PHF1: variants seen among roughly 807,000 people sequenced by gnomAD.
The protein encoded by PHF1 is polycomb-like 1.
Under a neutral mutation model 69.4 loss-of-function variants are expected in PHF1, and 16 were observed. The ratio of observed to expected loss-of-function variants is 0.23; its 90% CI spans 0.16 to 0.35. The LOEUF (loss-of-function observed/expected upper bound fraction) is 0.35, where lower values mean the gene tolerates loss of function less well. PHF1 is among the 10% of genes least tolerant of loss of function. The pLI, the probability that PHF1 is intolerant of heterozygous loss-of-function variation, is 1.00. For synonymous variants in PHF1, 274 were observed against 275.0 expected (o/e 1.00, Z 0.04); for missense variants, 515 against 732.8 (o/e 0.70, Z 3.43).
Position 33,414,686 on chromosome 6 carries a change from T to A in PHF1, c.945-39T>A. 1 of 1,583,468 alleles carries A rather than the reference T, an allele frequency of 6.3e-7. No homozygotes were observed. Among genetic ancestry groups the A allele is most frequent in the South Asian group, 1.1e-5 (1 of 89,956 alleles). On this transcript the variant is annotated intron_variant, in intron 10 of 14. Transcript: ENST00000374516. This position sits in a 1 kb window ranked among gnomAD's most constrained non-coding sequence, Gnocchi z 5.0. ...AATGGCGTAAGGAGGAACCGTTTTTTACAGCACTGACCCTATATCATTTCT... is the reference window on the plus strand; with the variant it reads ...AATGGCGTAAGGAGGAACCGTTTTTAACAGCACTGACCCTATATCATTTCT...
rs1361465105 is a variant in PHF1 at position 33,414,129 on chromosome 6, A to C, written c.752+20A>C. Reference sequence around the variant, plus strand: ...TCGCTGGTGAGCTGGATTGGGCATGACCTCAGTGTAACTCCACACCACAGT... The same window carrying C: ...TCGCTGGTGAGCTGGATTGGGCATGCCCTCAGTGTAACTCCACACCACAGT... On this transcript the variant is annotated intron_variant, in intron 8 of 14. Coordinates refer to ENST00000374516, the MANE Select transcript of PHF1 (RefSeq NM_024165.3). This position sits in a 1 kb window ranked among gnomAD's most constrained non-coding sequence, Gnocchi z 5.0. 4 of 1,613,700 alleles carry C rather than the reference A, an allele frequency of 2.5e-6. No individual in the cohort carries two copies. Among genetic ancestry groups the C allele is most frequent in the Non-Finnish European group, 3.4e-6 (4 of 1,179,912 alleles).
chr6:33,414,842 G>C lies in PHF1; in HGVS notation c.1049+13G>C. On this transcript the variant is annotated intron_variant, in intron 11 of 14. Transcript: ENST00000374516. The surrounding 1 kb of genome is among the most constrained non-coding windows in gnomAD (Gnocchi z 5.0). ...GAGCACTCACCAGGTCACTGGTCCAGGGGGGATGGGGGAAATTCTCAGGGT... is the reference window on the plus strand; with the variant it reads ...GAGCACTCACCAGGTCACTGGTCCACGGGGGATGGGGGAAATTCTCAGGGT... 1 of 1,603,524 alleles carries C rather than the reference G, an allele frequency of 6.2e-7. No individual in the cohort carries two copies. Among genetic ancestry groups the C allele is most frequent in the East Asian group, 2.2e-5 (1 of 44,822 alleles).
rs1165040618 is a variant in PHF1, at chr6:33,413,626, A to C, written c.587+69A>C. On this transcript the variant is annotated intron_variant, in intron 6 of 14. Coordinates refer to ENST00000374516, the MANE Select transcript of PHF1 (RefSeq NM_024165.3). ...TGGTGGATCCCAGGAAATGAAGGAAAAAGAACAGGATGAGGGTAGCACTCA... is the reference window on the plus strand; with the variant it reads ...TGGTGGATCCCAGGAAATGAAGGAACAAGAACAGGATGAGGGTAGCACTCA... The C allele has an allele frequency of 4.4e-6, 7 of 1,609,086 alleles. No homozygotes were observed. In the East Asian group the frequency reaches 1.6e-4, roughly 36 times the overall value.
intron 4 of PHF1, 60 bp from the exon 5 acceptor site, chr6:33,413,136 C>T: frequency 7.3e-7 from 1 of 1,375,054 alleles, no homozygotes; most frequent in Non-Finnish European, 1.0e-6. Flanking sequence ...AAAGACTATT[C>T]CTGTCCCAAT....
rs1776373463 is a variant in PHF1 at position 33,415,240 on chromosome 6, A to G, written c.1245A>G (p.Ser415=). Residue 415 remains serine, a synonymous_variant, in exon 13 of 15, where the codon TCA becomes TCG. Transcript: ENST00000374516. ...TCCTTTGCCCCCTCTTCTAGGCCTC[A>G]GTGTCTCCACCATCCCCCAGCCCTA... ...RAHLQRALQA[S]VSPPSPSPNQ... is the part of the protein sequence containing the mutation. 1 of 1,613,802 alleles carries G rather than the reference A, an allele frequency of 6.2e-7. No individual in the cohort carries two copies. The highest frequency in any genetic ancestry group is 2.2e-5 in the East Asian group (1 of 44,870).
Position 33,416,122 on chromosome 6 carries a change from CCATT to C in PHF1, c.*27_*30del. 1 of 1,511,020 alleles carries C rather than the reference CCATT, an allele frequency of 6.6e-7. No individual in the cohort carries two copies. Among genetic ancestry groups the C allele is most frequent in the East Asian group, 2.3e-5 (1 of 43,968 alleles). The allele number at this position is 1,511,020 out of a possible 1,614,324, so 93.6% of individuals were successfully genotyped here. A position where few individuals can be genotyped will look rare whatever the true frequency, so the allele number is the denominator to read the frequency against. ...GAACAGCCTGCCTCTGCCCAGCTCC[CCATT>C]CACACACACCGGCACTTTCATACCC... On this transcript the variant is annotated 3_prime_UTR_variant, in exon 15 of 15. Coordinates refer to ENST00000374516, the MANE Select transcript of PHF1 (RefSeq NM_024165.3).
Position 33,415,826 on chromosome 6 carries a change from C to A in PHF1, c.1432C>A (p.His478Asn), listed in dbSNP as rs761860568. 52 of 1,599,308 alleles carry A rather than the reference C, an allele frequency of 3.3e-5. No homozygotes were observed. The highest frequency in any genetic ancestry group is 4.2e-5 in the Non-Finnish European group (49 of 1,169,380). ...TCTCCCTAGGTCACCCCTGGAACTTCACATTGGTTTCCCCACAGACATCCC... is the reference window on the plus strand; with the variant it reads ...TCTCCCTAGGTCACCCCTGGAACTTAACATTGGTTTCCCCACAGACATCCC... ...GPPDRSPLEL[H>N]IGFPTDIPKS... The change falls in exon 15 of 15, where the codon CAC becomes AAC. Residue 478 changes from histidine (H) to asparagine (N), a missense_variant. Physicochemically the swap from His to Asn is moderately conservative, Grantham distance 68. Transcript: ENST00000374516.
At chr6:33,411,631 T>C (rs1233745832) in intron 1 of PHF1, among the ~76,000 whole-genome samples, 6 of 151,478 alleles carry the variant, frequency 4.0e-5, no homozygotes, top group Admixed American at 2.0e-4. Context: ...TAATTTCTCC[T>C]AAAATTTCAA....
chr6:33,415,961 C>G lies in PHF1; in HGVS notation c.1567C>G (p.Pro523Ala), dbSNP rs765629909. 13 of 1,614,134 alleles carry G rather than the reference C, an allele frequency of 8.1e-6. No homozygotes were observed. The Admixed American group carries it at 2.2e-4, about 27-fold the overall frequency. Residue 523 changes from proline (P) to alanine (A), a missense_variant, in exon 15 of 15, where the codon CCT becomes GCT. Pro to Ala is a conservative substitution (Grantham distance 27). This residue lies in a region of PHF1 where 274 missense variants were observed against 304.5 expected (regional missense o/e 0.90). Coordinates refer to ENST00000374516, the MANE Select transcript of PHF1 (RefSeq NM_024165.3). The part of the protein sequence containing the change: ...PPSPLCRSLS[P>A]GTGGGVRGGV... ...TTCTCCCCTGTGCCGTAGTTTGTCT[C>G]CTGGGACTGGGGGAGGAGTCCGAGG...
In PHF1 at chr6:33,414,006, T is replaced by C. The variant is rs780599482; in HGVS notation, c.684-35T>C. On this transcript the variant is annotated intron_variant, in intron 7 of 14. Coordinates refer to ENST00000374516, the MANE Select transcript of PHF1 (RefSeq NM_024165.3). The surrounding 1 kb of genome is among the most constrained non-coding windows in gnomAD (Gnocchi z 5.0). The stretch of plus-strand genomic sequence containing the variant: ...TCCAGGGGATGGCACAGTTTTCCTG[T>C]GTAAGTGTGTTTGCTCCCTCTTGCC... The C allele has an allele frequency of 1.1e-5, 18 of 1,612,812 alleles. No homozygotes were observed. In the Admixed American group the frequency reaches 3.0e-4, roughly 27 times the overall value.
chr6:33,413,582 T>A (rs1475042623), intron 6 of PHF1, 25 bp downstream of exon 6: 46 of 1,613,756 alleles, frequency 2.9e-5, no homozygotes, highest in Non-Finnish European at 3.7e-5. Flanking sequence ...GGGAGCAGAC[T>A]GTGGAATGAA....
chr6:33,415,207 T>C (rs1182398262), intron 12 of PHF1, 28 bp from the exon 13 acceptor site: 1 of 1,611,688 alleles, frequency 6.2e-7, no homozygotes, highest in Non-Finnish European at 8.5e-7. Context: ...TCAAGGATTA[T>C]CTCTCAGTCC....
Position 33,412,218 on chromosome 6 carries a change from CCTT to C in PHF1, c.-16-27_-16-25del. The C allele has an allele frequency of 6.8e-7, 1 of 1,469,342 alleles. No individual in the cohort carries two copies. The highest frequency in any genetic ancestry group is 2.3e-5 in the East Asian group (1 of 43,928). The allele number at this position is 1,469,342 out of a possible 1,614,324, so 91.0% of individuals were successfully genotyped here. A position where few individuals can be genotyped will look rare whatever the true frequency, so the allele number is the denominator to read the frequency against. ...GGGGAAGGTTTCTCAGCATTCATAACCTTCTCCTCCCCATTTCTTTTCTGGCTA... is the reference window on the plus strand; with the variant it reads ...GGGGAAGGTTTCTCAGCATTCATAACCTCCTCCCCATTTCTTTTCTGGCTA... On this transcript the variant is annotated intron_variant, in intron 1 of 14. Coordinates refer to ENST00000374516, the MANE Select transcript of PHF1 (RefSeq NM_024165.3). The surrounding 1 kb of genome is among the most constrained non-coding windows in gnomAD (Gnocchi z 4.2).
At position 33,414,572 on chromosome 6, in the gene PHF1, A is replaced by G; in HGVS notation, c.944+28A>G. On this transcript the variant is annotated intron_variant, in intron 10 of 14. Coordinates refer to ENST00000374516, the MANE Select transcript of PHF1 (RefSeq NM_024165.3). The surrounding 1 kb of genome is among the most constrained non-coding windows in gnomAD (Gnocchi z 5.0). Reference sequence around the variant, plus strand: ...GAGTTGGAGGGAAGAGGAGGCAAGGATGAGGCTCGGAAAGAGATGGAGAGT... The same window carrying G: ...GAGTTGGAGGGAAGAGGAGGCAAGGGTGAGGCTCGGAAAGAGATGGAGAGT... 1 of 1,610,430 alleles carries G rather than the reference A, an allele frequency of 6.2e-7. No individual in the cohort carries two copies. Among genetic ancestry groups the G allele is most frequent in the Non-Finnish European group, 8.5e-7 (1 of 1,176,692 alleles).
Position 33,413,823 on chromosome 6 carries a change from T to A in PHF1, c.675T>A (p.Tyr225Ter). 6.2e-7 allele frequency: 1 copy of A among 1,613,446 alleles called. No individual in the cohort carries two copies. Among genetic ancestry groups the A allele is most frequent in the Non-Finnish European group, 8.5e-7 (1 of 1,179,624 alleles). Residue 225 changes from tyrosine to a stop codon, truncating the protein, a stop_gained, in exon 7 of 15, where the codon TAT becomes TAA. Coordinates refer to ENST00000374516, the MANE Select transcript of PHF1 (RefSeq NM_024165.3). LOFTEE classifies it high-confidence loss of function. ...CTQCLSKPLL[Y>*]GDRFYEFECC... ...AGTGTCTGAGCAAGCCCCTCCTCTA[T>A]GGGGACAGGTGAGACCAAGGCAGAC...
chr6:33,412,034 C>T lies in PHF1; in HGVS notation c.-16-214C>T, dbSNP rs562692722. 2.0e-5 allele frequency among the ~76,000 whole-genome samples: 3 copies of T among 152,200 alleles called. No individual in the cohort carries two copies. The highest frequency in any genetic ancestry group is 1.9e-4 in the East Asian group (1 of 5,180). On this transcript the variant is annotated intron_variant, in intron 1 of 14. Transcript: ENST00000374516. This position sits in a 1 kb window ranked among gnomAD's most constrained non-coding sequence, Gnocchi z 4.2. Reference sequence around the variant, plus strand: ...AAAATTAGCCAGGCATGGTGGCATGCGCCTGTAATCCCACCTACTTGGGAG... The same window carrying T: ...AAAATTAGCCAGGCATGGTGGCATGTGCCTGTAATCCCACCTACTTGGGAG...
chr6:33,413,839 C>A lies in PHF1; in HGVS notation c.683+8C>A. 1.2e-6 allele frequency: 2 copies of A among 1,610,364 alleles called. No individual in the cohort carries two copies. The highest frequency in any genetic ancestry group is 1.7e-6 in the Non-Finnish European group (2 of 1,177,090). On this transcript the variant is annotated splice_region_variant and intron_variant, in intron 7 of 14. Coordinates refer to ENST00000374516, the MANE Select transcript of PHF1 (RefSeq NM_024165.3). ...CCTCCTCTATGGGGACAGGTGAGAC[C>A]AAGGCAGACTCTCTAGGAGCCAAGG... is the stretch of plus-strand genomic sequence containing the variant.
In PHF1 at chr6:33,415,637, C is replaced by T. The variant is rs1776412961; in HGVS notation, c.1382C>T (p.Ala461Val). The change falls in exon 14 of 15, where the codon GCA becomes GTA. Residue 461 changes from alanine to valine, a missense_variant. Physicochemically the swap from Ala to Val is moderately conservative, Grantham distance 64. Around this residue, in one of 5 missense-constraint regions of PHF1, gnomAD observed 274 missense variants for 304.5 expected, o/e 0.90. Transcript: ENST00000374516. Reference sequence around the variant, plus strand: ...TCCTTCCACCCTTCTGCCAGCACCGCAGGGACCTCTGGGGACAGTGGACCC... The same window carrying T: ...TCCTTCCACCCTTCTGCCAGCACCGTAGGGACCTCTGGGGACAGTGGACCC... Reference protein sequence around the residue: ...FASFHPSASTAGTSGDSGPPD... With the variant: ...FASFHPSASTVGTSGDSGPPD... The T allele has an allele frequency of 1.2e-6, 2 of 1,613,980 alleles. No individual in the cohort carries two copies. Among genetic ancestry groups the T allele is most frequent in the Non-Finnish European group, 1.7e-6 (2 of 1,179,992 alleles).
Position 33,412,546 on chromosome 6 carries a change from G to A in PHF1, c.198G>A (p.Glu66=). 2.5e-6 allele frequency: 4 copies of A among 1,614,220 alleles called. No homozygotes were observed. The highest frequency in any genetic ancestry group is 2.2e-5 in the South Asian group (2 of 91,086). ...GGGAGGTGTGTCTGGTCCAGTTTGA[G>A]GATGATTCGCAGTTTCTGGTTCTAT... ...SAREVCLVQF[E]DDSQFLVLWK... Residue 66 remains glutamate (E), a synonymous_variant, in exon 3 of 15, where the codon GAG becomes GAA. Transcript: ENST00000374516. The surrounding 1 kb of genome is among the most constrained non-coding windows in gnomAD (Gnocchi z 4.2).
Sources: gnomAD v4.1 joint callset for allele counts (sites outside exome capture counted in the v4.1 genomes callset) on GRCh38, gnomAD v4.1.1 for gene constraint, gnomAD v4.1.1 regional missense constraint, Gnocchi (gnomAD v3.1) non-coding constraint, MANE v1.5 for transcripts, NCBI Gene and HGNC (gene_info 2026-07-23, HGNC 2026-07-21) for gene names.